The following OTOGL variants were observed in gnomAD, a reference collection of about 807,000 sequenced individuals.
OTOGL encodes otogelin-like protein.
Under a neutral mutation model 318.5 loss-of-function variants are expected in OTOGL, and 285 were observed. That is an observed-to-expected ratio of 0.89 (90% confidence interval 0.81 to 0.99). The LOEUF (loss-of-function observed/expected upper bound fraction) is 0.99, where lower values mean the gene tolerates loss of function less well. Ranked by LOEUF, OTOGL falls within the 50% of genes least tolerant of loss-of-function variation. The probability of loss-of-function intolerance (pLI) is 0.00; values close to 1 mark genes in which losing one functional copy is unlikely to be tolerated. For synonymous variants in OTOGL, 987 were observed against 936.5 expected (o/e 1.05, Z -0.99); for missense variants, 2,899 against 2,845.6 (o/e 1.02, Z -0.43).
chr12:80,372,575 G>A (rs1324691232), intron 57 of OTOGL, among the ~76,000 whole-genome samples: 1 of 151,818 alleles, frequency 6.6e-6, no homozygotes, highest in African/African-American at 2.4e-5. Flanking sequence ...TAATATTTTA[G>A]TAAATAATAT....
Position 80,279,036 on chromosome 12 carries a change from G to A in OTOGL, c.2798G>A (p.Arg933Gln), listed in dbSNP as rs754410531. The change falls in exon 26 of 59, where the codon CGA becomes CAA. Residue 933 changes from arginine to glutamine, a missense_variant. By Grantham distance (43) the Arg-to-Gln change is conservative. Around this residue, in one of 3 missense-constraint regions of OTOGL, gnomAD observed 2,607 missense variants for 2,524.9 expected, o/e 1.03. Transcript: ENST00000547103. ...IATPCYTCVC[R>Q]RGMFNCTYYP... is the part of the protein sequence containing the mutation. ...TTGTTATTTTTTAATAGCGTTTGTC[G>A]ACGAGGAATGTTCAATTGCACATAT... The A allele has an allele frequency of 4.2e-5, 67 of 1,593,326 alleles. 1 individual carries two copies. In the South Asian group the frequency reaches 5.3e-4, roughly 13 times the overall value.
At chr12:80,217,575 A>G (rs568868365) in intron 4 of OTOGL, 23 bp from the exon 5 acceptor site, 63 of 1,458,184 alleles carry the variant, frequency 4.3e-5, no homozygotes, top group Non-Finnish European at 5.0e-5. Context: ...ACTGTATTGC[A>G]TTCTCATTTC....
chr12:80,126,555 T>C (rs1199065833), intron 1 of OTOGL, among the ~76,000 whole-genome samples: 1 of 152,174 alleles, frequency 6.6e-6, no homozygotes, highest in Admixed American at 6.5e-5. Flanking sequence ...GTCTATTGGG[T>C]CCGCTTGGTG....
intron 24 of OTOGL, among the ~76,000 whole-genome samples, chr12:80,277,097 TTTTTA>T (rs1458264246): frequency 1.3e-5 from 2 of 149,124 alleles, no homozygotes; most frequent in East Asian, 3.9e-4. Flanking sequence ...GAGCTTTTAA[TTTTTA>T]TTTATTTATT....
intron 52 of OTOGL, among the ~76,000 whole-genome samples, chr12:80,361,493 A>C (rs1205183820): frequency 1.3e-5 from 2 of 152,186 alleles, no homozygotes; most frequent in Non-Finnish European, 2.9e-5. Flanking sequence ...TTTTGGATAT[A>C]TACCCAGTAG....
chr12:80,197,074 T>C (rs1876123555), intron 1 of OTOGL, among the ~76,000 whole-genome samples: 1 of 152,228 alleles, frequency 6.6e-6, no homozygotes, highest in Non-Finnish European at 1.5e-5. Flanking sequence ...CAACCTCTTA[T>C]GTAATCTGGG....
Position 80,254,619 on chromosome 12 carries a change from C to T in OTOGL, c.1441+49C>T, listed in dbSNP as rs7295623. The T allele has an allele frequency of 0.99, 1,466,302 of 1,474,928 alleles. 728,873 individuals are homozygous for T. Among genetic ancestry groups the T allele is most frequent in the East Asian group, 1 (43,784 of 43,784 alleles). 91.4% of individuals were successfully genotyped at this position (1,474,928 alleles called of 1,614,324 possible). A position where few individuals can be genotyped will look rare whatever the true frequency, so the allele number is the denominator to read the frequency against. Reference sequence around the variant, plus strand: ...AGAGAATGTTTCAAATTTCTTTAGACTGGGGAGAAAGATAGCACTGATCTT... The same window carrying T: ...AGAGAATGTTTCAAATTTCTTTAGATTGGGGAGAAAGATAGCACTGATCTT... On this transcript the variant is annotated intron_variant, in intron 15 of 58. Transcript: ENST00000547103.
intron 24 of OTOGL, among the ~76,000 whole-genome samples, chr12:80,274,876 C>T (rs1158259012): frequency 6.6e-6 from 1 of 151,934 alleles, no homozygotes; most frequent in Non-Finnish European, 1.5e-5. Context: ...GGCAGCACGT[C>T]TGTTTACAGC....
chr12:80,329,158 T>C, intron 37 of OTOGL, 39 bp downstream of exon 37: 1 of 1,391,170 alleles, frequency 7.2e-7, no homozygotes, highest in South Asian at 1.5e-5. Context: ...TAGCACTATG[T>C]AGTTTAAGTG....
chr12:80,360,648 A>C lies in OTOGL; in HGVS notation c.6267+1748A>C, dbSNP rs147150886. ...AGGCGTGTGCCACCACGCCCAGCTAATTTTTTGTGTTTTAGTAGAGACGGG... is the reference window on the plus strand; with the variant it reads ...AGGCGTGTGCCACCACGCCCAGCTACTTTTTTGTGTTTTAGTAGAGACGGG... On this transcript the variant is annotated intron_variant, in intron 52 of 58. Coordinates refer to ENST00000547103, the MANE Select transcript of OTOGL (RefSeq NM_001378609.3). Among the ~76,000 whole-genome samples, 576 of 151,596 alleles carry C rather than the reference A, an allele frequency of 3.8e-3. 4 individuals are homozygous for C. The highest frequency in any genetic ancestry group is 0.013 in the African/African-American group (537 of 41,284).
chr12:80,140,088 C>T (rs1486075923), intron 1 of OTOGL, among the ~76,000 whole-genome samples: 1 of 152,186 alleles, frequency 6.6e-6, no homozygotes, highest in Admixed American at 6.5e-5. Flanking sequence ...AAGTCACATT[C>T]ACTCCAGTTC....
intron 32 of OTOGL, among the ~76,000 whole-genome samples, chr12:80,317,856 C>A (rs956665865): frequency 2.0e-5 from 3 of 152,110 alleles, no homozygotes; most frequent in African/African-American, 7.2e-5. Context: ...TGTTTCTGCT[C>A]AGCTCCACCT....
At chr12:80,116,722 G>A (rs913933733) in intron 1 of OTOGL, among the ~76,000 whole-genome samples, 11 of 152,178 alleles carry the variant, frequency 7.2e-5, no homozygotes, top group African/African-American at 2.7e-4. Context: ...AAAGCCAAAT[G>A]AGGATATATT....
Position 80,378,000 on chromosome 12 carries a change from T to A in OTOGL, c.7014T>A (p.Ile2338=), listed in dbSNP as rs1210877708. The change falls in exon 59 of 59, where the codon ATT becomes ATA. Residue 2338 remains isoleucine, a synonymous_variant. Coordinates refer to ENST00000547103, the MANE Select transcript of OTOGL (RefSeq NM_001378609.3). ...ATTGCTCAGGAAATGGCACTGAAATTATGTACACTCTCCAGGAACCCATAG... is the reference window on the plus strand; with the variant it reads ...ATTGCTCAGGAAATGGCACTGAAATAATGTACACTCTCCAGGAACCCATAG... The part of the protein sequence containing the change: ...PLYCSGNGTE[I]MYTLQEPIDC... 89 of 1,598,478 alleles carry A rather than the reference T, an allele frequency of 5.6e-5. No individual in the cohort carries two copies. Among genetic ancestry groups the A allele is most frequent in the Non-Finnish European group, 7.6e-5 (89 of 1,171,186 alleles).
intron 1 of OTOGL, among the ~76,000 whole-genome samples, chr12:80,124,445 G>A (rs1414362446): frequency 1.3e-5 from 2 of 152,172 alleles, no homozygotes; most frequent in Admixed American, 1.3e-4. Flanking sequence ...CTGTAGCCTT[G>A]TAGTATGGTT....
chr12:80,266,461 C>G lies in OTOGL; in HGVS notation c.2235C>G (p.Cys745Trp). 6.2e-7 allele frequency: 1 copy of G among 1,613,358 alleles called. No homozygotes were observed. ...RTQISFCAVVCQKGMLYHHCS... is the reference protein window; with the variant it reads ...RTQISFCAVVWQKGMLYHHCS... ...CTTCTTTGTCCTTAGCTGTGGTGTG[C>G]CAGAAGGGCATGCTGTACCATCACT... is the stretch of plus-strand genomic sequence containing the variant. The change falls in exon 21 of 59, where the codon TGC becomes TGG. Residue 745 changes from cysteine to tryptophan, a missense_variant. Physicochemically the swap from Cys to Trp is radical, Grantham distance 215. Around this residue, in one of 3 missense-constraint regions of OTOGL, gnomAD observed 2,607 missense variants for 2,524.9 expected, o/e 1.03. Transcript: ENST00000547103.
intron 1 of OTOGL, among the ~76,000 whole-genome samples, chr12:80,107,583 G>A (rs1225331822): frequency 1.3e-5 from 2 of 152,072 alleles, no homozygotes; most frequent in Non-Finnish European, 2.9e-5. Context: ...GTTCGACCTA[G>A]CAAGCCCCTT....
At chr12:80,157,786 T>C (rs985849121) in intron 1 of OTOGL, among the ~76,000 whole-genome samples, 8 of 152,168 alleles carry the variant, frequency 5.3e-5, no homozygotes, top group Non-Finnish European at 1.2e-4. Flanking sequence ...TTGGTCTGTG[T>C]GTCTGTGTAT....
chr12:80,139,089 C>A (rs552730415), intron 1 of OTOGL, among the ~76,000 whole-genome samples: 2 of 152,224 alleles, frequency 1.3e-5, no homozygotes, highest in African/African-American at 4.8e-5. Context: ...TCGAATTATG[C>A]AGTTAAGAGA....
Sources: allele counts gnomAD v4.1 joint callset (sites outside exome capture counted in the v4.1 genomes callset), GRCh38; gene constraint gnomAD v4.1.1; regional missense constraint gnomAD v4.1.1; transcripts MANE v1.5; gene names NCBI Gene and HGNC (gene_info 2026-07-23, HGNC 2026-07-21).